The following C1orf21 variants were observed in gnomAD, a reference collection of about 807,000 sequenced individuals.
C1orf21 encodes the protein uncharacterized protein C1orf21.
A neutral mutation model predicts 18.7 loss-of-function variants in C1orf21; 3 were observed. That is an observed-to-expected ratio of 0.16 (90% CI 0.07 to 0.42). The LOEUF (loss-of-function observed/expected upper bound fraction) is 0.42, where lower values mean the gene tolerates loss of function less well. Among genes scored for constraint, C1orf21 ranks in the 10% least tolerant of loss-of-function variants. The pLI, the probability that C1orf21 is intolerant of heterozygous loss-of-function variation, is 0.99. For synonymous variants in C1orf21, 41 were observed against 46.4 expected (o/e 0.88, Z 0.47); for missense variants, 104 against 143.6 (o/e 0.72, Z 1.41).
At chr1:184,397,541 G>C (rs959855552) in intron 1 of C1orf21, among the ~76,000 whole-genome samples, 1 of 152,032 alleles carries the variant, frequency 6.6e-6, no homozygotes, top group Non-Finnish European at 1.5e-5. Flanking sequence ...AGCCAAGATC[G>C]CGCTACTGCA....
rs575465602 is a variant in C1orf21 at position 184,574,791 on chromosome 1, G to A, written c.190-15948G>A. Among the ~76,000 whole-genome samples the A allele has an allele frequency of 6.9e-4, 105 of 152,278 alleles. 1 individual carries two copies. The highest frequency in any genetic ancestry group is 3.4e-3 in the Middle Eastern group (1 of 294). On this transcript the variant is annotated intron_variant, in intron 3 of 5. Coordinates refer to ENST00000235307, the MANE Select transcript of C1orf21 (RefSeq NM_030806.4). The stretch of plus-strand genomic sequence containing the variant: ...TAGTGAAAGAGTCTCAGAGGGAAGA[G>A]CCGTGAGAGCAGCAGGGGATGTGGC...
At chr1:184,447,089 A>G (rs1657046669) in intron 1 of C1orf21, among the ~76,000 whole-genome samples, 1 of 152,108 alleles carries the variant, frequency 6.6e-6, no homozygotes, top group Non-Finnish European at 1.5e-5. Flanking sequence ...TTCTAGATAG[A>G]GTGGCTTCTA....
chr1:184,465,326 G>T (rs939687506), intron 1 of C1orf21, among the ~76,000 whole-genome samples: 12 of 151,948 alleles, frequency 7.9e-5, no homozygotes, highest in African/African-American at 2.7e-4. Context: ...AAGCCAGTAG[G>T]GTCATCCTGA....
intron 3 of C1orf21, among the ~76,000 whole-genome samples, chr1:184,551,328 G>A (rs1658809633): frequency 6.6e-6 from 1 of 152,084 alleles, no homozygotes; most frequent in Non-Finnish European, 1.5e-5. Flanking sequence ...TAAAAGCAGT[G>A]GAAGAAACCA....
At chr1:184,389,770 TTTTG>T (rs973211912) in intron 1 of C1orf21, among the ~76,000 whole-genome samples, 2 of 152,144 alleles carry the variant, frequency 1.3e-5, no homozygotes, top group African/African-American at 2.4e-5. Flanking sequence ...TGTTTTTGTT[TTTTG>T]TTTGTTTGTT....
chr1:184,422,924 G>A (rs1048526638), intron 1 of C1orf21, among the ~76,000 whole-genome samples: 1 of 152,208 alleles, frequency 6.6e-6, no homozygotes, highest in African/African-American at 2.4e-5. Flanking sequence ...CTTGCTGCAG[G>A]GAAAGCAGTC....
intron 1 of C1orf21, among the ~76,000 whole-genome samples, chr1:184,452,562 C>T (rs775540421): frequency 1.7e-4 from 26 of 152,120 alleles, no homozygotes; most frequent in South Asian, 4.1e-4. Flanking sequence ...AAGAAGAGGG[C>T]GTAACCACCA....
intron 3 of C1orf21, among the ~76,000 whole-genome samples, chr1:184,590,514 C>A (rs1388570288): frequency 6.6e-6 from 1 of 152,158 alleles, no homozygotes; most frequent in Non-Finnish European, 1.5e-5. Flanking sequence ...TAAACAGAGT[C>A]ATAGTTGTTA....
In C1orf21 at chr1:184,387,032, C is replaced by T. The variant is rs906032065; in HGVS notation, c.-461C>T. 11 of 151,648 alleles carry T rather than the reference C, an allele frequency of 7.3e-5. No individual in the cohort carries two copies. Among genetic ancestry groups the T allele is most frequent in the African/African-American group, 2.7e-4 (11 of 41,422 alleles). 9.4% of individuals were successfully genotyped at this position (151,648 alleles called of 1,614,324 possible). A position where few individuals can be genotyped will look rare whatever the true frequency, so the allele number is the denominator to read the frequency against. On this transcript the variant is annotated 5_prime_UTR_variant, in exon 1 of 6. Transcript: ENST00000235307. This position sits in a 1 kb window ranked among gnomAD's most constrained non-coding sequence, Gnocchi z 5.6. ...GAGGAGCTCCCCTCCCTCGCTCGCTCCTCGCAAGCTCCCGCTCGCTCCCTG... is the reference window on the plus strand; with the variant it reads ...GAGGAGCTCCCCTCCCTCGCTCGCTTCTCGCAAGCTCCCGCTCGCTCCCTG...
intron 3 of C1orf21, chr1:184,567,409 C>T: frequency 1.9e-6 from 1 of 525,012 alleles, no homozygotes; most frequent in Non-Finnish European, 3.9e-6. Context: ...TTAAAGATCT[C>T]CTGGGCTTGA....
chr1:184,423,537 C>T (rs1201584329), intron 1 of C1orf21, among the ~76,000 whole-genome samples: 2 of 152,010 alleles, frequency 1.3e-5, no homozygotes, highest in African/African-American at 2.4e-5. Flanking sequence ...GAAGATTAAT[C>T]TGACAAAAAT....
intron 1 of C1orf21, among the ~76,000 whole-genome samples, chr1:184,399,914 A>G (rs989455336): frequency 2.0e-5 from 3 of 152,306 alleles, no homozygotes; most frequent in South Asian, 4.1e-4. Context: ...CCTGAGATAT[A>G]GTTTATGTAG....
intron 3 of C1orf21, among the ~76,000 whole-genome samples, chr1:184,571,776 T>C (rs1278377720): frequency 1.3e-5 from 2 of 152,214 alleles, no homozygotes; most frequent in Admixed American, 6.5e-5. Context: ...GCTCTTTTCC[T>C]CATCCTCTTT....
intron 3 of C1orf21, among the ~76,000 whole-genome samples, chr1:184,540,636 G>T (rs1310856382): frequency 6.6e-6 from 1 of 152,084 alleles, no homozygotes; most frequent in Non-Finnish European, 1.5e-5. Context: ...TCGCCATGTT[G>T]GTCAGGCTGG....
intron 1 of C1orf21, among the ~76,000 whole-genome samples, chr1:184,442,336 T>G (rs1174032312): frequency 3.3e-5 from 5 of 152,188 alleles, no homozygotes; most frequent in African/African-American, 1.2e-4. Flanking sequence ...ACTAGTAAAA[T>G]GGCCTTTGTT....
At chr1:184,447,890 A>G (rs1657057728) in intron 1 of C1orf21, among the ~76,000 whole-genome samples, 2 of 152,078 alleles carry the variant, frequency 1.3e-5, no homozygotes, top group African/African-American at 4.8e-5. Context: ...ACGGCCCTTC[A>G]TTATCCAACC....
intron 3 of C1orf21, chr1:184,567,766 A>C: frequency 3.7e-6 from 1 of 273,918 alleles, no homozygotes. Flanking sequence ...GCTGAACTGC[A>C]TTACAAGGAA....
chr1:184,409,974 T>C (rs559948350), intron 1 of C1orf21, among the ~76,000 whole-genome samples: 81 of 152,328 alleles, frequency 5.3e-4, no homozygotes, highest in African/African-American at 1.9e-3. Flanking sequence ...AAAAGTGATA[T>C]ATTAGACATG....
intron 1 of C1orf21, among the ~76,000 whole-genome samples, chr1:184,398,145 GA>G (rs1239873882): frequency 6.6e-6 from 1 of 152,200 alleles, no homozygotes; most frequent in Non-Finnish European, 1.5e-5. Flanking sequence ...GATCTTGAAT[GA>G]CAACGGCAAT....
Sources: allele counts gnomAD v4.1 joint callset (sites outside exome capture counted in the v4.1 genomes callset), GRCh38; gene constraint gnomAD v4.1.1; non-coding constraint Gnocchi (gnomAD v3.1); transcripts MANE v1.5; gene names NCBI Gene and HGNC (gene_info 2026-07-23, HGNC 2026-07-21).